SSBP2: variants seen among roughly 807,000 people sequenced by gnomAD.
The protein encoded by SSBP2 is single stranded DNA binding protein 2.
A neutral mutation model predicts 61.8 loss-of-function variants in SSBP2; 17 were observed. The observed-to-expected ratio is 0.28, with a 90% CI of 0.19 to 0.41. The LOEUF (loss-of-function observed/expected upper bound fraction) is 0.41, where lower values mean the gene tolerates loss of function less well. Among genes scored for constraint, SSBP2 ranks in the 10% least tolerant of loss-of-function variants. The pLI, the probability that SSBP2 is intolerant of heterozygous loss-of-function variation, is 1.00. For synonymous variants in SSBP2, 139 were observed against 141.3 expected, an observed-to-expected ratio of 0.98 and a Z score of 0.12; for missense variants, 310 against 458.7, an observed-to-expected ratio of 0.68 and a Z score of 2.96.
At chr5:81,698,435 A>T (rs189041456) in intron 1 of SSBP2, among the ~76,000 whole-genome samples, 32 of 152,326 alleles carry the variant, frequency 2.1e-4, no homozygotes, top group South Asian at 4.1e-4. Context: ...AAGTTATCCT[A>T]TTTTTAACAA....
chr5:81,737,581 G>C (rs1202802588), intron 1 of SSBP2, among the ~76,000 whole-genome samples: 1 of 151,694 alleles, frequency 6.6e-6, no homozygotes, highest in Non-Finnish European at 1.5e-5. Context: ...AGGAGACTGA[G>C]ACCATACTGG....
intron 6 of SSBP2, among the ~76,000 whole-genome samples, chr5:81,477,888 C>CA (rs1174130186): frequency 6.6e-6 from 1 of 151,980 alleles, no homozygotes; most frequent in Non-Finnish European, 1.5e-5. Context: ...AAGAATGAAA[C>CA]AGAGTTCAAA....
chr5:81,453,773 G>C (rs936948881), intron 10 of SSBP2, among the ~76,000 whole-genome samples: 4 of 152,008 alleles, frequency 2.6e-5, no homozygotes, highest in South Asian at 2.1e-4. Flanking sequence ...TATTCTTGAA[G>C]GCTGTCAGGC....
intron 1 of SSBP2, among the ~76,000 whole-genome samples, chr5:81,731,176 A>G (rs1756238686): frequency 1.3e-5 from 2 of 152,338 alleles, no homozygotes; most frequent in Non-Finnish European, 2.9e-5. Flanking sequence ...ATAGAGTACA[A>G]TATCTATCTC....
At chr5:81,740,612 A>T (rs1345322006) in intron 1 of SSBP2, among the ~76,000 whole-genome samples, 1 of 152,182 alleles carries the variant, frequency 6.6e-6, no homozygotes, top group East Asian at 1.9e-4. Flanking sequence ...TGGAAGAGAC[A>T]ACAAAAGAGA....
chr5:81,489,490 T>C (rs1766693634), intron 5 of SSBP2, among the ~76,000 whole-genome samples, 181 bp from the exon 6 acceptor site: 1 of 152,186 alleles, frequency 6.6e-6, no homozygotes, highest in South Asian at 2.1e-4. Flanking sequence ...ACTTATTTTG[T>C]AGAATATCTA....
At chr5:81,449,319 T>G (rs1207234146) in intron 10 of SSBP2, among the ~76,000 whole-genome samples, 1 of 152,208 alleles carries the variant, frequency 6.6e-6, no homozygotes, top group Admixed American at 6.5e-5. Context: ...CAAGCTCTTT[T>G]CTAGAGATTA....
chr5:81,633,652 C>T (rs147294184), intron 3 of SSBP2, among the ~76,000 whole-genome samples: 4 of 152,228 alleles, frequency 2.6e-5, no homozygotes, highest in African/African-American at 4.8e-5. Context: ...ACTATAGACA[C>T]GCACCACTGC....
chr5:81,427,881 T>TA (rs1430961176), intron 16 of SSBP2, among the ~76,000 whole-genome samples: 2 of 152,166 alleles, frequency 1.3e-5, no homozygotes, highest in Non-Finnish European at 2.9e-5. Context: ...AACTGTATTT[T>TA]AAAAAATTCC....
At chr5:81,664,289 ATT>A (rs888874649) in intron 1 of SSBP2, among the ~76,000 whole-genome samples, 1 of 143,928 alleles carries the variant, frequency 6.9e-6, no homozygotes. Context: ...TGCCCGGCTA[ATT>A]TTTTTTTTTT....
intron 8 of SSBP2, among the ~76,000 whole-genome samples, chr5:81,473,157 CAT>C (rs1204895994): frequency 6.6e-6 from 1 of 152,124 alleles, no homozygotes; most frequent in Non-Finnish European, 1.5e-5. Flanking sequence ...CAGCAAATAA[CAT>C]AGTTTGTTTA....
Position 81,689,264 on chromosome 5 carries a change from T to G in SSBP2, c.63-38925A>C, listed in dbSNP as rs368564357. Among the ~76,000 whole-genome samples, 14 of 152,210 alleles carry G rather than the reference T, an allele frequency of 9.2e-5. No homozygotes were observed. In the South Asian group the frequency reaches 1.2e-3, roughly 14 times the overall value. On this transcript the variant is annotated intron_variant, in intron 1 of 16. Coordinates refer to ENST00000320672, the MANE Select transcript of SSBP2 (RefSeq NM_012446.5). ...AAGGGCAAATCTAAGAGTTATTGGCTGTAAAGAGGTGGTAGAAAAAGAGAT... is the reference window on the plus strand; with the variant it reads ...AAGGGCAAATCTAAGAGTTATTGGCGGTAAAGAGGTGGTAGAAAAAGAGAT...
At chr5:81,533,835 T>G (rs1462982566) in intron 4 of SSBP2, among the ~76,000 whole-genome samples, 1 of 152,054 alleles carries the variant, frequency 6.6e-6, no homozygotes, top group African/African-American at 2.4e-5. Context: ...AGTCAATAAT[T>G]CTAGGGTAAC....
At chr5:81,465,607 A>G (rs1206279166) in intron 9 of SSBP2, among the ~76,000 whole-genome samples, 1 of 152,080 alleles carries the variant, frequency 6.6e-6, no homozygotes, top group Non-Finnish European at 1.5e-5. Flanking sequence ...ATAGTATTCA[A>G]AATATATACT....
In SSBP2 at chr5:81,446,379, C is replaced by T. The variant is rs188292699; in HGVS notation, c.778+489G>A. Among the ~76,000 whole-genome samples the T allele has an allele frequency of 2.0e-3, 299 of 150,766 alleles. 2 individuals are homozygous for T. Among genetic ancestry groups the T allele is most frequent in the African/African-American group, 6.3e-3 (252 of 40,198 alleles). On this transcript the variant is annotated intron_variant, in intron 12 of 16. Coordinates refer to ENST00000320672, the MANE Select transcript of SSBP2 (RefSeq NM_012446.5). ...AGAAGATAAAAAACTTTTATTATTACATAGTGAATTTATAAGCTGACTAAT... is the reference window on the plus strand; with the variant it reads ...AGAAGATAAAAAACTTTTATTATTATATAGTGAATTTATAAGCTGACTAAT...
At chr5:81,534,969 A>G (rs59893724) in intron 4 of SSBP2, among the ~76,000 whole-genome samples, 42,217 of 151,808 alleles carry the variant, frequency 0.28, 6,639 homozygotes, top group African/African-American at 0.45. Flanking sequence ...GATAACGCAC[A>G]CACACACACA....
intron 1 of SSBP2, among the ~76,000 whole-genome samples, chr5:81,723,566 G>A (rs932764390): frequency 4.6e-5 from 7 of 151,992 alleles, no homozygotes; most frequent in Non-Finnish European, 1.0e-4. Flanking sequence ...ATTAACCCAA[G>A]TGCAGGCATA....
intron 1 of SSBP2, among the ~76,000 whole-genome samples, chr5:81,729,611 T>A (rs1367099779): frequency 6.6e-6 from 1 of 152,184 alleles, no homozygotes; most frequent in Non-Finnish European, 1.5e-5. Flanking sequence ...ACTTAAAGGC[T>A]TACTCTCATA....
At chr5:81,698,168 G>T (rs1753716393) in intron 1 of SSBP2, among the ~76,000 whole-genome samples, 1 of 152,070 alleles carries the variant, frequency 6.6e-6, no homozygotes, top group Admixed American at 6.6e-5. Flanking sequence ...AATATAAAAT[G>T]TACCAACCAC....
Sources: allele counts gnomAD v4.1 joint callset (sites outside exome capture counted in the v4.1 genomes callset), GRCh38; gene constraint gnomAD v4.1.1; transcripts MANE v1.5; gene names NCBI Gene and HGNC (gene_info 2026-07-23, HGNC 2026-07-21).